RORB: variants seen among roughly 807,000 people sequenced by gnomAD.
The protein encoded by RORB is RAR related orphan receptor B, also known as nuclear receptor ROR-beta.
In RORB, 6 loss-of-function variants were observed where a neutral mutation model predicts 59.1. The ratio of observed to expected loss-of-function variants is 0.10; its 90% confidence interval spans 0.06 to 0.20. The LOEUF (loss-of-function observed/expected upper bound fraction) is 0.20, where lower values mean the gene tolerates loss of function less well. RORB is among the 10% of genes least tolerant of loss of function. RORB has a pLI of 1.00. For missense variants in RORB, 320 were observed against 560.5 expected (o/e 0.57, Z 4.33); for synonymous variants, 215 against 204.5 (o/e 1.05, Z -0.44).
chr9:74,666,407 G>A (rs1201569541), intron 7 of RORB, among the ~76,000 whole-genome samples: 4 of 151,862 alleles, frequency 2.6e-5, no homozygotes, highest in Admixed American at 2.6e-4. Flanking sequence ...GCTACAGTGA[G>A]TCATCTTCAC....
chr9:74,635,276 T>A (rs936756451), intron 3 of RORB, among the ~76,000 whole-genome samples: 6 of 152,110 alleles, frequency 3.9e-5, no homozygotes, highest in African/African-American at 1.4e-4. Flanking sequence ...AATTGGACTA[T>A]CTGAGCCCAT....
At chr9:74,666,345 C>A (rs1250017843) in intron 7 of RORB, among the ~76,000 whole-genome samples, 2 of 151,894 alleles carry the variant, frequency 1.3e-5, no homozygotes, top group South Asian at 2.1e-4. Flanking sequence ...CCTGTAGTCC[C>A]AGCTACTTGG....
intron 8 of RORB, among the ~76,000 whole-genome samples, chr9:74,669,689 C>T (rs1271059306): frequency 6.6e-6 from 1 of 152,038 alleles, no homozygotes; most frequent in Non-Finnish European, 1.5e-5. Flanking sequence ...AAGCAAATTC[C>T]TGCCTAATTT....
intron 1 of RORB, among the ~76,000 whole-genome samples, chr9:74,593,474 A>AG (rs1256013837): frequency 6.6e-6 from 1 of 151,874 alleles, no homozygotes; most frequent in Non-Finnish European, 1.5e-5. Flanking sequence ...TCTAAAAAAA[A>AG]AAAAAAAAAA....
chr9:74,664,952 A>G (rs1341460021), intron 6 of RORB, among the ~76,000 whole-genome samples: 4 of 152,232 alleles, frequency 2.6e-5, no homozygotes, highest in Non-Finnish European at 5.9e-5. Flanking sequence ...CATTCAATAA[A>G]TATTTGCTTA....
chr9:74,683,746 C>T (rs1824588195), intron 9 of RORB, among the ~76,000 whole-genome samples: 1 of 152,162 alleles, frequency 6.6e-6, no homozygotes, highest in Non-Finnish European at 1.5e-5. Flanking sequence ...TTCTTACCTC[C>T]CATTTTTCCT....
chr9:74,543,320 C>T (rs17611535), intron 1 of RORB, among the ~76,000 whole-genome samples: 17,923 of 152,248 alleles, frequency 0.12, 1,239 homozygotes, highest in Non-Finnish European at 0.15. Context: ...AGCAACAGGA[C>T]GGTGTGGAAC....
At chr9:74,622,035 G>T (rs749290399) in intron 1 of RORB, among the ~76,000 whole-genome samples, 6 of 151,950 alleles carry the variant, frequency 3.9e-5, no homozygotes, top group African/African-American at 1.5e-4. Context: ...ACATAGAAAA[G>T]TTGTATTTTT....
intron 4 of RORB, among the ~76,000 whole-genome samples, chr9:74,656,081 G>C (rs1824074324): frequency 6.6e-6 from 1 of 152,088 alleles, no homozygotes; most frequent in South Asian, 2.1e-4. Flanking sequence ...TGAGTGCTTA[G>C]GCTTTAAGAT....
intron 9 of RORB, among the ~76,000 whole-genome samples, chr9:74,672,555 A>G (rs182576250): frequency 6.6e-6 from 1 of 152,324 alleles, no homozygotes; most frequent in Admixed American, 6.5e-5. Flanking sequence ...AATCCATGCA[A>G]CATGTCATCA....
chr9:74,602,388 A>G (rs529405969), intron 1 of RORB, among the ~76,000 whole-genome samples: 1 of 152,356 alleles, frequency 6.6e-6, no homozygotes, highest in South Asian at 2.1e-4. Context: ...AGATGCATGC[A>G]TGATACCTTT....
intron 1 of RORB, among the ~76,000 whole-genome samples, chr9:74,514,713 G>A (rs1825984683): frequency 6.7e-6 from 1 of 149,562 alleles, no homozygotes; most frequent in Non-Finnish European, 1.5e-5. Context: ...ATGAATGATA[G>A]AGGAGAATAA....
At chr9:74,522,711 G>A (rs958435446) in intron 1 of RORB, among the ~76,000 whole-genome samples, 28 of 151,804 alleles carry the variant, frequency 1.8e-4, no homozygotes, top group African/African-American at 6.0e-4. Flanking sequence ...AGAGGACAAC[G>A]TAAATCAGAA....
chr9:74,618,740 C>CGT (rs971653102), intron 1 of RORB, among the ~76,000 whole-genome samples: 13 of 151,820 alleles, frequency 8.6e-5, no homozygotes, highest in Middle Eastern at 3.4e-3. Flanking sequence ...GACTTTTGCT[C>CGT]GTGTGTGTGT....
chr9:74,669,253 C>T (rs573214826), intron 8 of RORB, among the ~76,000 whole-genome samples: 6 of 152,128 alleles, frequency 3.9e-5, no homozygotes, highest in Non-Finnish European at 7.4e-5. Flanking sequence ...CCGAGGCCAG[C>T]GGATCACCTG....
intron 1 of RORB, among the ~76,000 whole-genome samples, chr9:74,628,539 G>C (rs921692633): frequency 2.0e-5 from 3 of 152,132 alleles, no homozygotes; most frequent in Non-Finnish European, 4.4e-5. Context: ...TGCTTACAAA[G>C]ATGATTTGAA....
intron 1 of RORB, among the ~76,000 whole-genome samples, chr9:74,611,222 C>G (rs192737075): frequency 6.6e-6 from 1 of 152,254 alleles, no homozygotes; most frequent in Admixed American, 6.5e-5. Flanking sequence ...TAAAGCTAAG[C>G]TCCCTTAACC....
At position 74,691,945 on chromosome 9, in the gene RORB, A is replaced by G. The variant is rs1824746852; in HGVS notation, c.*6327A>G. On this transcript the variant is annotated 3_prime_UTR_variant, in exon 10 of 10. Transcript: ENST00000376896. Reference sequence around the variant, plus strand: ...TCCATCTATAACTAGAAAATACGAAAAAGGAAAATTAAAAAAAAAAGTTGC... The same window carrying G: ...TCCATCTATAACTAGAAAATACGAAGAAGGAAAATTAAAAAAAAAAGTTGC... 1 of 152,160 alleles carries G rather than the reference A, an allele frequency of 6.6e-6. No homozygotes were observed. The allele number at this position is 152,160 out of a possible 1,614,324, so 9.4% of individuals were successfully genotyped here.
rs1299937270 is a variant in RORB, at chr9:74,692,676, TA to T, written c.*7060del. ...ATAAAAATATTCACTCTAAAAAGAATAATAATTCTACTTTTTTAAAAGAATA... is the reference window on the plus strand; with the variant it reads ...ATAAAAATATTCACTCTAAAAAGAATATAATTCTACTTTTTTAAAAGAATA... On this transcript the variant is annotated 3_prime_UTR_variant, in exon 10 of 10. Transcript: ENST00000376896. 1.3e-5 allele frequency: 2 copies of T among 152,198 alleles called. No individual in the cohort carries two copies. The highest frequency in any genetic ancestry group is 2.9e-5 in the Non-Finnish European group (2 of 68,024). 9.4% of individuals were successfully genotyped at this position (152,198 alleles called of 1,614,324 possible).
Sources: allele counts gnomAD v4.1 joint callset (sites outside exome capture counted in the v4.1 genomes callset), GRCh38; gene constraint gnomAD v4.1.1; transcripts MANE v1.5; gene names NCBI Gene and HGNC (gene_info 2026-07-23, HGNC 2026-07-21).